SAMTOR: variants seen among roughly 807,000 people sequenced by gnomAD.
SAMTOR encodes S-adenosylmethionine sensor upstream of mTORC1, also known as UPF0532 protein C7orf60.
the SAMTOR span, chr7:112,895,550 G>A: frequency 6.7e-7 from 1 of 1,495,146 alleles, no homozygotes. Flanking sequence ...GATAATCAAA[G>A]TAGAAAAAGT....
the SAMTOR span, among the ~76,000 whole-genome samples, chr7:112,845,845 A>ATTTAGGC: frequency 6.6e-6 from 1 of 152,230 alleles, no homozygotes; most frequent in African/African-American, 2.4e-5. Context: ...AATGCCCATC[A>ATTTAGGC]ATGGTAGACT....
chr7:112,856,651 A>T, the SAMTOR span, among the ~76,000 whole-genome samples: 1 of 152,352 alleles, frequency 6.6e-6, no homozygotes, highest in East Asian at 1.9e-4. Flanking sequence ...AACTTTTGCA[A>T]ATAACAGAAA....
the SAMTOR span, among the ~76,000 whole-genome samples, chr7:112,852,237 G>A: frequency 6.6e-6 from 1 of 152,062 alleles, no homozygotes; most frequent in African/African-American, 2.4e-5. Flanking sequence ...TACAGAAAAT[G>A]TGGTGTATAT....
the SAMTOR span, among the ~76,000 whole-genome samples, chr7:112,894,463 C>T: frequency 6.6e-6 from 1 of 152,088 alleles, no homozygotes; most frequent in African/African-American, 2.4e-5. Context: ...CGTTTTCATG[C>T]TGCTGATAAA....
At chr7:112,830,269 G>A in the SAMTOR span, among the ~76,000 whole-genome samples, 1 of 152,072 alleles carries the variant, frequency 6.6e-6, no homozygotes, top group Non-Finnish European at 1.5e-5. Flanking sequence ...AAATTATTTC[G>A]AATATTTTGT....
chr7:112,918,617 T>C, the SAMTOR span, among the ~76,000 whole-genome samples: 659 of 152,258 alleles, frequency 4.3e-3, 3 homozygotes, highest in African/African-American at 0.015. Flanking sequence ...TAAATGTAAA[T>C]GGACTAAATG....
At chr7:112,934,277 T>C in the SAMTOR span, among the ~76,000 whole-genome samples, 2 of 152,156 alleles carry the variant, frequency 1.3e-5, no homozygotes, top group African/African-American at 4.8e-5. Context: ...CTGTGCAGTT[T>C]ACTTGCCTCA....
chr7:112,919,352 G>A, the SAMTOR span, among the ~76,000 whole-genome samples: 847 of 152,076 alleles, frequency 5.6e-3, 4 homozygotes, highest in Non-Finnish European at 9.9e-3. Flanking sequence ...ATGACTACTG[G>A]GTACATAATG....
At chr7:112,905,270 G>A in the SAMTOR span, among the ~76,000 whole-genome samples, 2 of 152,084 alleles carry the variant, frequency 1.3e-5, no homozygotes, top group African/African-American at 4.8e-5. Flanking sequence ...CCTGCATGGT[G>A]CAGTATGTCC....
chr7:112,832,305 A>G, the SAMTOR span, among the ~76,000 whole-genome samples: 5 of 152,226 alleles, frequency 3.3e-5, no homozygotes, highest in African/African-American at 1.2e-4. Flanking sequence ...GTGATCCACC[A>G]TGCCCAGTTG....
chr7:112,851,868 A>C, the SAMTOR span, among the ~76,000 whole-genome samples: 1 of 152,208 alleles, frequency 6.6e-6, no homozygotes, highest in Non-Finnish European at 1.5e-5. Context: ...CTTCCAAAGA[A>C]GACATACAAG....
the SAMTOR span, among the ~76,000 whole-genome samples, chr7:112,886,793 G>A: frequency 6.6e-6 from 1 of 152,176 alleles, no homozygotes; most frequent in Non-Finnish European, 1.5e-5. Context: ...CCACACAGAG[G>A]CAAAGAAATT....
chr7:112,923,840 A>G, the SAMTOR span, among the ~76,000 whole-genome samples: 1 of 152,210 alleles, frequency 6.6e-6, no homozygotes, highest in Non-Finnish European at 1.5e-5. Context: ...TGGCACATAT[A>G]CACCATGGAA....
the SAMTOR span, among the ~76,000 whole-genome samples, chr7:112,923,964 A>T: frequency 6.6e-6 from 1 of 150,448 alleles, no homozygotes; most frequent in East Asian, 2.0e-4. Context: ...AACACCGCAT[A>T]TTCTCACTCA....
chr7:112,873,254 T>C, the SAMTOR span, among the ~76,000 whole-genome samples: 2 of 151,060 alleles, frequency 1.3e-5, no homozygotes, highest in Non-Finnish European at 2.9e-5. Flanking sequence ...AGAGCCCAAA[T>C]AGCCAAAGCA....
the SAMTOR span, chr7:112,821,133 A>G: frequency 1.3e-5 from 2 of 152,592 alleles, no homozygotes; most frequent in South Asian, 2.1e-4. Flanking sequence ...CTCTCCCCCA[A>G]TGTCTGATGC....
the SAMTOR span, among the ~76,000 whole-genome samples, chr7:112,875,530 T>C: frequency 3.3e-5 from 5 of 152,282 alleles, no homozygotes; most frequent in South Asian, 8.3e-4. Context: ...TTTTTCACTA[T>C]AGATTTACAG....
At chr7:112,853,868 C>A in the SAMTOR span, among the ~76,000 whole-genome samples, 284 of 152,232 alleles carry the variant, frequency 1.9e-3, no homozygotes, top group African/African-American at 6.7e-3. Context: ...CCTTATTTAT[C>A]ATCTCTGCTG....
the SAMTOR span, among the ~76,000 whole-genome samples, chr7:112,854,387 C>T: frequency 6.6e-6 from 1 of 151,980 alleles, no homozygotes; most frequent in African/African-American, 2.4e-5. Flanking sequence ...GTGTGGTGAT[C>T]AAAGGTTACT....
Sources: allele counts gnomAD v4.1 joint callset (sites outside exome capture counted in the v4.1 genomes callset), GRCh38; gene constraint gnomAD v4.1.1; transcripts MANE v1.5; gene names NCBI Gene and HGNC (gene_info 2026-07-23, HGNC 2026-07-21).